The following CSMD2 variants were observed in gnomAD, a reference collection of about 807,000 sequenced individuals.
The protein encoded by CSMD2 is CUB and sushi domain-containing protein 2.
Under a neutral mutation model 398.5 loss-of-function variants are expected in CSMD2, and 130 were observed. The ratio of observed to expected loss-of-function variants is 0.33; its 90% confidence interval spans 0.28 to 0.38. The LOEUF is 0.38. CSMD2 is among the 10% of genes least tolerant of loss of function. CSMD2 has a pLI of 1.00. For synonymous variants in CSMD2, 1,828 were observed against 1,908.5 expected (o/e 0.96, Z 1.10); for missense variants, 3,829 against 4,764.9 (o/e 0.80, Z 5.78).
intron 2 of CSMD2, among the ~76,000 whole-genome samples, chr1:34,060,412 A>T (rs775873432): frequency 1.3e-5 from 2 of 152,252 alleles, no homozygotes; most frequent in Non-Finnish European, 2.9e-5. Flanking sequence ...ATGTATTTAT[A>T]TACTGAAAAC....
intron 7 of CSMD2, 105 bp downstream of exon 7, chr1:33,825,592 G>T: frequency 9.9e-7 from 1 of 1,014,452 alleles, no homozygotes; most frequent in Non-Finnish European, 1.5e-6. Context: ...AAGCAGGGTT[G>T]AAGGAAAGTC....
intron 13 of CSMD2, among the ~76,000 whole-genome samples, chr1:33,761,941 C>A (rs1649866508): frequency 6.6e-6 from 1 of 152,104 alleles, no homozygotes; most frequent in South Asian, 2.1e-4. Context: ...TAGCCTAGGG[C>A]CAGGAGCCTT....
chr1:34,096,212 C>A (rs917202513), intron 1 of CSMD2, among the ~76,000 whole-genome samples: 2 of 151,934 alleles, frequency 1.3e-5, no homozygotes, highest in African/African-American at 4.8e-5. Context: ...ATTCAACAAC[C>A]CTTCATGCTA....
At chr1:33,891,108 C>T (rs543394947) in intron 5 of CSMD2, among the ~76,000 whole-genome samples, 3 of 151,950 alleles carry the variant, frequency 2.0e-5, no homozygotes, top group Non-Finnish European at 4.4e-5. Context: ...TCAGAGTGAA[C>T]AGCAACCTAA....
intron 2 of CSMD2, among the ~76,000 whole-genome samples, chr1:34,061,219 A>G (rs1654463419): frequency 1.3e-5 from 2 of 152,192 alleles, no homozygotes; most frequent in Admixed American, 1.3e-4. Flanking sequence ...AAGAAACTCC[A>G]TAGTCCTGAA....
At chr1:33,899,836 T>G (rs552473957) in intron 5 of CSMD2, among the ~76,000 whole-genome samples, 1 of 152,292 alleles carries the variant, frequency 6.6e-6, no homozygotes, top group East Asian at 1.9e-4. Context: ...TTTCCCCATG[T>G]GCCCTTCAGG....
intron 13 of CSMD2, among the ~76,000 whole-genome samples, chr1:33,752,285 T>G (rs1376665160): frequency 6.6e-6 from 1 of 152,232 alleles, no homozygotes; most frequent in Admixed American, 6.5e-5. Flanking sequence ...AGATCCCTCT[T>G]GAATGGCTTA....
intron 2 of CSMD2, among the ~76,000 whole-genome samples, chr1:34,038,643 C>T (rs568053738): frequency 9.2e-5 from 14 of 152,318 alleles, no homozygotes; most frequent in African/African-American, 3.4e-4. Flanking sequence ...ACAAATCCTG[C>T]ATGGCTTGGC....
chr1:33,592,434 G>A, intron 44 of CSMD2: 1 of 716,444 alleles, frequency 1.4e-6, no homozygotes, highest in Non-Finnish European at 2.6e-6. Flanking sequence ...TCTGTGGCTG[G>A]GGGGCAGATG....
intron 55 of CSMD2, among the ~76,000 whole-genome samples, chr1:33,556,898 G>A (rs1000614058): frequency 9.2e-5 from 14 of 152,144 alleles, no homozygotes; most frequent in Admixed American, 2.6e-4. Flanking sequence ...CACCATGATT[G>A]TAAGTTTCCT....
intron 1 of CSMD2, among the ~76,000 whole-genome samples, chr1:34,158,660 G>C (rs1266981336): frequency 6.6e-6 from 1 of 152,206 alleles, no homozygotes; most frequent in Non-Finnish European, 1.5e-5. Context: ...AAAGCAAGTA[G>C]ACCGTAGTTG....
chr1:33,587,255 A>C, intron 44 of CSMD2, 87 bp from the exon 45 acceptor site: 53 of 1,013,202 alleles, frequency 5.2e-5, no homozygotes, highest in Non-Finnish European at 7.3e-5. Flanking sequence ...TCACTTTCTC[A>C]TCCCTCATTT....
chr1:33,832,395 C>A (rs1256327341), intron 6 of CSMD2, among the ~76,000 whole-genome samples: 1 of 50,800 alleles, frequency 2.0e-5, no homozygotes, highest in African/African-American at 1.8e-4. Context: ...AACTGAACAA[C>A]CTGCACTGGG....
At chr1:33,993,497 ACT>A (rs1646627894) in intron 3 of CSMD2, among the ~76,000 whole-genome samples, 1 of 151,130 alleles carries the variant, frequency 6.6e-6, no homozygotes, top group Non-Finnish European at 1.5e-5. Context: ...GCCTCTGCCC[ACT>A]CTGTGTCTCC....
At chr1:33,570,088 A>G (rs964360862) in intron 51 of CSMD2, among the ~76,000 whole-genome samples, 1 of 151,900 alleles carries the variant, frequency 6.6e-6, no homozygotes, top group African/African-American at 2.4e-5. Context: ...CTACTCTGCC[A>G]CATATGTGGT....
chr1:34,100,160 T>A (rs4653387), intron 1 of CSMD2, among the ~76,000 whole-genome samples: 79,573 of 152,018 alleles, frequency 0.52, 21,722 homozygotes, highest in African/African-American at 0.66. Flanking sequence ...CTACTTTTTC[T>A]GTAAGTTATT....
chr1:33,703,737 T>C (rs1001408922), intron 22 of CSMD2, among the ~76,000 whole-genome samples: 7 of 152,350 alleles, frequency 4.6e-5, no homozygotes, highest in Admixed American at 2.0e-4. Context: ...ATCTTCAATT[T>C]GGTTAGATAT....
chr1:33,765,389 C>G (rs1000999121), intron 13 of CSMD2, among the ~76,000 whole-genome samples: 3 of 152,006 alleles, frequency 2.0e-5, no homozygotes, highest in Non-Finnish European at 4.4e-5. Context: ...AGCAGCAGAA[C>G]AAAGTGGTGA....
intron 13 of CSMD2, among the ~76,000 whole-genome samples, chr1:33,770,978 C>G (rs1651178944): frequency 6.6e-6 from 1 of 152,218 alleles, no homozygotes; most frequent in South Asian, 2.1e-4. Context: ...TTGGAGGGGT[C>G]AAGCAACAGT....
Sources: allele counts gnomAD v4.1 joint callset (sites outside exome capture counted in the v4.1 genomes callset), GRCh38; gene constraint gnomAD v4.1.1; transcripts MANE v1.5; gene names NCBI Gene and HGNC (gene_info 2026-07-23, HGNC 2026-07-21).